The following PARD3B variants were observed in gnomAD, a reference collection of about 807,000 sequenced individuals.
PARD3B encodes partitioning defective 3 homolog B.
Under a neutral mutation model 130.2 loss-of-function variants are expected in PARD3B, and 103 were observed. The ratio of observed to expected loss-of-function variants is 0.79; its 90% CI spans 0.67 to 0.93. The LOEUF (loss-of-function observed/expected upper bound fraction) is 0.93. PARD3B is among the 40% of genes least tolerant of loss of function. The pLI is 0.00. For synonymous variants in PARD3B, 583 were observed against 553.2 expected (o/e 1.05, Z -0.76); for missense variants, 1,609 against 1,499.2 (o/e 1.07, Z -1.21).
At chr2:204,997,856 A>G (rs1371182951) in intron 3 of PARD3B, among the ~76,000 whole-genome samples, 3 of 149,572 alleles carry the variant, frequency 2.0e-5, no homozygotes, top group Admixed American at 6.7e-5. Flanking sequence ...ATATTAATTT[A>G]TACTTGTATA....
At chr2:205,599,638 G>T (rs1023514039) in intron 22 of PARD3B, among the ~76,000 whole-genome samples, 2 of 152,144 alleles carry the variant, frequency 1.3e-5, no homozygotes, top group Admixed American at 6.5e-5. Context: ...CTTCAATTTC[G>T]ACCATTTACA....
Position 205,091,645 on chromosome 2 carries a change from A to T in PARD3B, c.505-12781A>T, listed in dbSNP as rs1198503049. On this transcript the variant is annotated intron_variant, in intron 4 of 22. Transcript: ENST00000406610. This position sits in a 1 kb window ranked among gnomAD's most constrained non-coding sequence, Gnocchi z 4.2. ...GATATGGGCTTGGATTAGCAGCTAC[A>T]TATCAGTTCTTATCTTACACTTGGA... is the stretch of plus-strand genomic sequence containing the variant. Among the ~76,000 whole-genome samples, 1 of 152,182 alleles carries T rather than the reference A, an allele frequency of 6.6e-6. No homozygotes were observed. The highest frequency in any genetic ancestry group is 1.5e-5 in the Non-Finnish European group (1 of 68,038).
At chr2:205,374,022 A>G (rs2044929190) in intron 18 of PARD3B, among the ~76,000 whole-genome samples, 1 of 152,162 alleles carries the variant, frequency 6.6e-6, no homozygotes, top group South Asian at 2.1e-4. Flanking sequence ...AATAACTGTC[A>G]GTAGCGATCA....
chr2:205,166,896 A>G (rs530844634), intron 11 of PARD3B, among the ~76,000 whole-genome samples: 1 of 152,286 alleles, frequency 6.6e-6, no homozygotes, highest in South Asian at 2.1e-4. Context: ...CGTTAGAAGC[A>G]TGCAGAGGCA....
At chr2:205,447,600 A>T (rs968710063) in intron 20 of PARD3B, among the ~76,000 whole-genome samples, 2 of 152,226 alleles carry the variant, frequency 1.3e-5, no homozygotes, top group East Asian at 3.9e-4. Flanking sequence ...GCTGGTCTTG[A>T]ACTCCTGACC....
At chr2:204,987,117 T>G (rs1447877455) in intron 3 of PARD3B, among the ~76,000 whole-genome samples, 1 of 152,150 alleles carries the variant, frequency 6.6e-6, no homozygotes, top group Non-Finnish European at 1.5e-5. Context: ...AAAGGTGCCT[T>G]TCCTCACAAT....
Position 205,528,776 on chromosome 2 carries a change from C to T in PARD3B, c.3181-24548C>T, listed in dbSNP as rs141700763. Among the ~76,000 whole-genome samples, 632 of 152,262 alleles carry T rather than the reference C, an allele frequency of 4.2e-3. 7 individuals carry two copies. Among genetic ancestry groups the T allele is most frequent in the African/African-American group, 0.014 (599 of 41,566 alleles). ...AAGTGCTGTGATTACAGGCGTGAGC[C>T]ACCGTGCCTGGCCAACACAATCTTA... On this transcript the variant is annotated intron_variant, in intron 21 of 22. Transcript: ENST00000406610.
At chr2:204,641,796 G>A (rs2035087100) in intron 1 of PARD3B, among the ~76,000 whole-genome samples, 1 of 152,164 alleles carries the variant, frequency 6.6e-6, no homozygotes, top group Admixed American at 6.5e-5. Context: ...TTGTCACAAT[G>A]ATTTTTCCAA....
chr2:204,553,357 T>C (rs558719456), intron 1 of PARD3B, among the ~76,000 whole-genome samples: 1 of 152,036 alleles, frequency 6.6e-6, no homozygotes, highest in Admixed American at 6.6e-5. Flanking sequence ...CTTAAAGAAC[T>C]AAAAGTAGAA....
At chr2:204,612,282 T>C (rs879279803) in intron 1 of PARD3B, among the ~76,000 whole-genome samples, 6 of 152,222 alleles carry the variant, frequency 3.9e-5, no homozygotes, top group African/African-American at 1.4e-4. Flanking sequence ...GGCAGCCTGG[T>C]TCTTTTGCAG....
At chr2:204,928,921 G>T (rs1318873509) in intron 2 of PARD3B, among the ~76,000 whole-genome samples, 1 of 152,076 alleles carries the variant, frequency 6.6e-6, no homozygotes, top group Non-Finnish European at 1.5e-5. Context: ...TATCTTAGAT[G>T]AAAATACTCC....
At chr2:204,868,335 G>C (rs2045504938) in intron 2 of PARD3B, among the ~76,000 whole-genome samples, 1 of 152,018 alleles carries the variant, frequency 6.6e-6, no homozygotes, top group Non-Finnish European at 1.5e-5. Context: ...GTTAATATTA[G>C]TGCCATTATC....
At chr2:205,212,318 T>C (rs1270502627) in intron 15 of PARD3B, among the ~76,000 whole-genome samples, 4 of 152,152 alleles carry the variant, frequency 2.6e-5, no homozygotes, top group Non-Finnish European at 2.9e-5. Context: ...GTGCATGTTT[T>C]GTACGTTTCC....
Position 205,591,200 on chromosome 2 carries a change from A to AC in PARD3B, c.3261-24256_3261-24255insC, listed in dbSNP as rs373233189. Among the ~76,000 whole-genome samples, 1 of 151,648 alleles carries AC rather than the reference A, an allele frequency of 6.6e-6. No individual in the cohort carries two copies. Among genetic ancestry groups the AC allele is most frequent in the Non-Finnish European group, 1.5e-5 (1 of 67,928 alleles). ...AGAATATAACTAGGACAAGACAAAA[A>AC]ACTGTTTAGAGAGAGTGTACATTTT... On this transcript the variant is annotated intron_variant, in intron 22 of 22. Coordinates refer to ENST00000406610, the MANE Select transcript of PARD3B (RefSeq NM_001302769.2). The surrounding 1 kb of genome is among the most constrained non-coding windows in gnomAD (Gnocchi z 4.2).
chr2:205,437,667 C>T (rs1439029803), intron 19 of PARD3B, among the ~76,000 whole-genome samples: 6 of 151,152 alleles, frequency 4.0e-5, no homozygotes, highest in African/African-American at 1.5e-4. Context: ...AAAGTCTGAA[C>T]ATTAGACTGT....
At chr2:204,992,545 T>C (rs1380348991) in intron 3 of PARD3B, among the ~76,000 whole-genome samples, 2 of 147,630 alleles carry the variant, frequency 1.4e-5, no homozygotes, top group African/African-American at 5.0e-5. Context: ...GGCTTAGGAT[T>C]GCCTTGGCGA....
chr2:204,827,006 C>A (rs1260498148), intron 2 of PARD3B, among the ~76,000 whole-genome samples: 2 of 152,252 alleles, frequency 1.3e-5, no homozygotes, highest in Non-Finnish European at 2.9e-5. Context: ...GGTGACAGAG[C>A]AAGACTCTGT....
chr2:205,082,919 C>CT (rs34303779), intron 4 of PARD3B, among the ~76,000 whole-genome samples: 12,109 of 136,646 alleles, frequency 0.089, 910 homozygotes, highest in Admixed American at 0.24. Context: ...TAAAATATAT[C>CT]TTTTTTTTTT....
chr2:204,701,731 A>G (rs2037902609), intron 2 of PARD3B, among the ~76,000 whole-genome samples: 1 of 151,904 alleles, frequency 6.6e-6, no homozygotes. Flanking sequence ...ATTTTATTTT[A>G]TTATTTTTTT....
Sources: gnomAD v4.1 joint callset for allele counts (sites outside exome capture counted in the v4.1 genomes callset) on GRCh38, gnomAD v4.1.1 for gene constraint, Gnocchi (gnomAD v3.1) non-coding constraint, MANE v1.5 for transcripts, NCBI Gene and HGNC (gene_info 2026-07-23, HGNC 2026-07-21) for gene names.